The following PHACTR3 variants were observed in gnomAD, a reference collection of about 807,000 sequenced individuals.
PHACTR3 encodes the protein protein phosphatase 1, regulatory subunit 123.
In PHACTR3, 16 loss-of-function variants were observed where a neutral mutation model predicts 66.8. The ratio of observed to expected loss-of-function variants is 0.24; its 90% CI spans 0.16 to 0.36. The LOEUF is 0.36. Ranked by LOEUF, PHACTR3 falls within the 10% of genes least tolerant of loss-of-function variation. PHACTR3 has a pLI of 1.00. For synonymous variants in PHACTR3, 323 were observed against 292.1 expected (o/e 1.11, Z -1.08); for missense variants, 647 against 719.9 (o/e 0.90, Z 1.16).
intron 8 of PHACTR3, among the ~76,000 whole-genome samples, chr20:59,824,517 G>A (rs2042130393): frequency 6.6e-6 from 1 of 152,212 alleles, no homozygotes; most frequent in Non-Finnish European, 1.5e-5. Context: ...GCAGCACCCG[G>A]TTCCTTTCTG....
chr20:59,636,735 T>C (rs1439139421), intron 1 of PHACTR3, among the ~76,000 whole-genome samples: 1 of 152,214 alleles, frequency 6.6e-6, no homozygotes, highest in East Asian at 1.9e-4. Context: ...ACTTCACTGA[T>C]GCTTGATAAA....
rs962855056 is a variant in PHACTR3 at position 59,830,941 on chromosome 20, C to T, written c.1329-5564C>T. Among the ~76,000 whole-genome samples, 4 of 152,036 alleles carry T rather than the reference C, an allele frequency of 2.6e-5. No individual in the cohort carries two copies. The highest frequency in any genetic ancestry group is 5.9e-5 in the Non-Finnish European group (4 of 68,012). On this transcript the variant is annotated intron_variant, in intron 8 of 12. Coordinates refer to ENST00000371015, the MANE Select transcript of PHACTR3 (RefSeq NM_080672.5). This position sits in a 1 kb window ranked among gnomAD's most constrained non-coding sequence, Gnocchi z 5.8. ...GGAAATGTGGGTGGCACAGTGGCAT[C>T]ATGACTCCTGGAGCCTCTCCAGGCG...
In PHACTR3 at chr20:59,774,555, C is replaced by A. The variant is rs561506720; in HGVS notation, c.1174+65C>A. On this transcript the variant is annotated intron_variant, in intron 7 of 12. Transcript: ENST00000371015. ...CAGAGGTCTAGTGTCACCAGGGGGT[C>A]GAGGACAGAGCTCGTGCCTGGGGGA... 9 of 1,556,154 alleles carry A rather than the reference C, an allele frequency of 5.8e-6. No homozygotes were observed. In the East Asian group the frequency reaches 2.0e-4, roughly 35 times the overall value.
At chr20:59,720,683 A>T (rs1226350628) in intron 1 of PHACTR3, among the ~76,000 whole-genome samples, 1 of 152,002 alleles carries the variant, frequency 6.6e-6, no homozygotes, top group Admixed American at 6.6e-5. Context: ...TTTGCCGTGC[A>T]TTTTTTTTCC....
intron 1 of PHACTR3, among the ~76,000 whole-genome samples, chr20:59,610,075 GA>G (rs1426487593): frequency 1.3e-5 from 2 of 152,172 alleles, no homozygotes; most frequent in East Asian, 3.9e-4. Flanking sequence ...GCAACACAGT[GA>G]AACCCTGTCT....
chr20:59,724,954 A>G (rs2038504661), intron 1 of PHACTR3, among the ~76,000 whole-genome samples: 1 of 150,566 alleles, frequency 6.6e-6, no homozygotes, highest in African/African-American at 2.5e-5. Context: ...CTGTGAGCCT[A>G]GGTGTGCTCT....
At chr20:59,797,443 G>A (rs2041282285) in intron 7 of PHACTR3, among the ~76,000 whole-genome samples, 2 of 151,636 alleles carry the variant, frequency 1.3e-5, no homozygotes, top group Admixed American at 6.6e-5. Context: ...TGCACATATT[G>A]TGGTACAATC....
intron 8 of PHACTR3, among the ~76,000 whole-genome samples, chr20:59,823,997 A>G (rs1047814727): frequency 6.6e-6 from 1 of 152,250 alleles, no homozygotes; most frequent in African/African-American, 2.4e-5. Context: ...CAGGGAGGCC[A>G]CGAAGTCAGC....
intron 1 of PHACTR3, among the ~76,000 whole-genome samples, chr20:59,626,022 G>C (rs1238573640): frequency 2.6e-5 from 4 of 152,110 alleles, no homozygotes; most frequent in Non-Finnish European, 4.4e-5. Flanking sequence ...GGGGTACCAG[G>C]GCTGGACCAA....
At chr20:59,753,142 T>C (rs777951669) in intron 3 of PHACTR3, among the ~76,000 whole-genome samples, 1 of 150,464 alleles carries the variant, frequency 6.6e-6, no homozygotes, top group African/African-American at 2.5e-5. Flanking sequence ...GAAAAGACTT[T>C]CATAAAAATT....
At chr20:59,704,156 C>T (rs926009307) in intron 1 of PHACTR3, among the ~76,000 whole-genome samples, 3 of 152,116 alleles carry the variant, frequency 2.0e-5, no homozygotes, top group African/African-American at 7.2e-5. Flanking sequence ...GCCTTCCCAT[C>T]GGCAAGGAAT....
intron 1 of PHACTR3, among the ~76,000 whole-genome samples, chr20:59,622,365 T>C (rs999529455): frequency 6.6e-6 from 1 of 152,098 alleles, no homozygotes; most frequent in African/African-American, 2.4e-5. Flanking sequence ...CTCTATAAAC[T>C]GGGGGCAATG....
Position 59,830,093 on chromosome 20 carries a change from A to T in PHACTR3, c.1329-6412A>T, listed in dbSNP as rs543529110. Among the ~76,000 whole-genome samples the T allele has an allele frequency of 2.6e-4, 39 of 152,274 alleles. No homozygotes were observed. The Middle Eastern group carries it at 0.01, about 40-fold the overall frequency. On this transcript the variant is annotated intron_variant, in intron 8 of 12. Transcript: ENST00000371015. The surrounding 1 kb of genome is among the most constrained non-coding windows in gnomAD (Gnocchi z 5.8). ...AAACTGGTACAAACTTGGCACTGAG[A>T]CGGCGTCTGATGGGAGAAGAGGGGG...
intron 1 of PHACTR3, among the ~76,000 whole-genome samples, chr20:59,701,955 T>C (rs1339361675): frequency 6.6e-6 from 1 of 152,254 alleles, no homozygotes; most frequent in Non-Finnish European, 1.5e-5. Context: ...GATTGAATCA[T>C]GCAGTATGTG....
intron 7 of PHACTR3, among the ~76,000 whole-genome samples, chr20:59,798,967 A>G (rs1158081978): frequency 1.3e-5 from 2 of 151,906 alleles, no homozygotes. Context: ...CCCTGTTACC[A>G]TTATTTTGAT....
At chr20:59,643,282 G>A (rs1019987817) in intron 1 of PHACTR3, among the ~76,000 whole-genome samples, 4 of 152,160 alleles carry the variant, frequency 2.6e-5, no homozygotes, top group African/African-American at 9.7e-5. Flanking sequence ...TGCACACAGC[G>A]CACATTAAAT....
In PHACTR3 at chr20:59,841,504, A is replaced by G; in HGVS notation, c.1556A>G (p.Lys519Arg). Residue 519 changes from lysine (K) to arginine (R), a missense_variant, in exon 11 of 13, where the codon AAA becomes AGA. Physicochemically the swap from Lys to Arg is conservative, Grantham distance 26. Around this residue, in one of 2 missense-constraint regions of PHACTR3, gnomAD observed 70 missense variants for 148.8 expected, o/e 0.47. Transcript: ENST00000371015. ...CAGGACTATGACAGGAGGGCAGACA[A>G]ACCCTGGACGAGACTGTCAGCAGCA... ...KAQDYDRRAD[K>R]PWTRLSAADK... 6.2e-7 allele frequency: 1 copy of G among 1,613,600 alleles called. No homozygotes were observed. The highest frequency in any genetic ancestry group is 8.5e-7 in the Non-Finnish European group (1 of 1,179,684).
chr20:59,805,272 C>A (rs1185225944), intron 7 of PHACTR3, among the ~76,000 whole-genome samples: 2 of 152,230 alleles, frequency 1.3e-5, no homozygotes, highest in African/African-American at 4.8e-5. Context: ...ACATAGAACA[C>A]AAGGGCTGGC....
At chr20:59,606,885 G>A (rs1244587035) in intron 1 of PHACTR3, among the ~76,000 whole-genome samples, 1 of 152,222 alleles carries the variant, frequency 6.6e-6, no homozygotes, top group African/African-American at 2.4e-5. Context: ...CAGAGAACAG[G>A]TGTCAGAGGT....
Sources: allele counts gnomAD v4.1 joint callset (sites outside exome capture counted in the v4.1 genomes callset), GRCh38; gene constraint gnomAD v4.1.1; regional missense constraint gnomAD v4.1.1; non-coding constraint Gnocchi (gnomAD v3.1); transcripts MANE v1.5; gene names NCBI Gene and HGNC (gene_info 2026-07-23, HGNC 2026-07-21).